The following ZNF718 variants were observed in gnomAD, a reference collection of about 807,000 sequenced individuals.
The protein encoded by ZNF718 is zinc finger protein 718.
A neutral mutation model predicts 2.6 loss-of-function variants in ZNF718; 3 were observed. The ratio of observed to expected loss-of-function variants is 1.16; its 90% CI spans 0.53 to 3.01. The LOEUF (loss-of-function observed/expected upper bound fraction) is 3.01, where lower values mean the gene tolerates loss of function less well. ZNF718 is among the 30% of genes most tolerant of loss of function. ZNF718 has a pLI of 0.03. For synonymous variants in ZNF718, 135 were observed against 77.9 expected (o/e 1.73, Z -3.86); for missense variants, 468 against 230.0 (o/e 2.03, Z -6.69).
At chr4:179,894 A>T (rs1717430069) in intron 3 of ZNF718, among the ~76,000 whole-genome samples, 1 of 152,208 alleles carries the variant, frequency 6.6e-6, no homozygotes, top group South Asian at 2.1e-4. Flanking sequence ...GTGTCATTTA[A>T]TTAAAATAAA....
At position 132,937 on chromosome 4, in the gene ZNF718, T is replaced by C. The variant is rs1198461048; in HGVS notation, c.226+1432T>C. On this transcript the variant is annotated intron_variant, in intron 3 of 3. Coordinates refer to ENST00000510175, the MANE Select transcript of ZNF718 (RefSeq NM_001039127.6). ...GCTCACACCTGTAATCCCAGCACTT[T>C]GGGAGACCGAGGGGGCAGATCATGA... is the stretch of plus-strand genomic sequence containing the variant. Among the ~76,000 whole-genome samples, 6 of 98,922 alleles carry C rather than the reference T, an allele frequency of 6.1e-5. 2 individuals are homozygous for C. The highest frequency in any genetic ancestry group is 2.1e-4 in the African/African-American group (6 of 28,396). The allele number at this position is 98,922 out of a possible 152,430, so 64.9% of individuals were successfully genotyped here.
chr4:161,609 G>T lies in ZNF718; in HGVS notation c.924G>T (p.Glu308Asp). ...LNEHKRIHAG[E>D]KPFSCEECGN... ...AACATAAGAGAATTCATGCTGGAGA[G>T]AAACCCTTCTCATGCGAAGAATGTG... The change falls in exon 4 of 4, where the codon GAG becomes GAT. Residue 308 changes from glutamate to aspartate, a missense_variant. Glu to Asp is a conservative substitution (Grantham distance 45). Transcript: ENST00000510175. The T allele has an allele frequency of 1.3e-6, 1 of 780,546 alleles. No individual in the cohort carries two copies. Among genetic ancestry groups the T allele is most frequent in the Non-Finnish European group, 2.4e-6 (1 of 417,902 alleles). The allele number at this position is 780,546 out of a possible 1,614,324, so 48.4% of individuals were successfully genotyped here. A position where few individuals can be genotyped will look rare whatever the true frequency, so the allele number is the denominator to read the frequency against.
intron 3 of ZNF718, among the ~76,000 whole-genome samples, chr4:191,999 G>T (rs1553821305): frequency 6.6e-6 from 1 of 152,154 alleles, no homozygotes; most frequent in East Asian, 1.9e-4. Flanking sequence ...AGCTCAATTA[G>T]GATGAACCCA....
Position 124,883 on chromosome 4 carries a change from C to T in ZNF718, c.3+210C>T, listed in dbSNP as rs893599567. On this transcript the variant is annotated intron_variant, in intron 1 of 3. Coordinates refer to ENST00000510175, the MANE Select transcript of ZNF718 (RefSeq NM_001039127.6). The stretch of plus-strand genomic sequence containing the variant: ...TCCTTGTGCAGCTCTGCGCCGGTAG[C>T]CCTGCACTTTCCCCGGGCTGTGGAG... The T allele has an allele frequency of 3.4e-5, 19 of 566,462 alleles. No individual in the cohort carries two copies. In the African/African-American group the frequency reaches 3.7e-4, roughly 11 times the overall value. 35.1% of individuals were successfully genotyped at this position (566,462 alleles called of 1,614,324 possible).
chr4:159,826 T>G (rs1716745946), intron 3 of ZNF718, among the ~76,000 whole-genome samples: 1 of 152,178 alleles, frequency 6.6e-6, no homozygotes, highest in Non-Finnish European at 1.5e-5. Context: ...GTTGCCCTAG[T>G]ATTTTGCCTA....
At chr4:138,518 T>C (rs1424289378) in intron 3 of ZNF718, among the ~76,000 whole-genome samples, 1 of 152,244 alleles carries the variant, frequency 6.6e-6, no homozygotes, top group African/African-American at 2.4e-5. Flanking sequence ...ACATTTACTT[T>C]GTCCATTCAT....
intron 3 of ZNF718, among the ~76,000 whole-genome samples, chr4:186,372 CT>C (rs1553820483): frequency 1.3e-5 from 2 of 152,086 alleles, no homozygotes; most frequent in Non-Finnish European, 2.9e-5. Context: ...TGATGGGCTT[CT>C]GTTTGTAGGT....
At chr4:155,395 G>A (rs781849077) in intron 3 of ZNF718, among the ~76,000 whole-genome samples, 14 of 152,164 alleles carry the variant, frequency 9.2e-5, no homozygotes, top group Non-Finnish European at 1.9e-4. Flanking sequence ...AAGCAGCCAG[G>A]AGACTGACTG....
intron 3 of ZNF718, among the ~76,000 whole-genome samples, chr4:188,125 A>G (rs554515088): frequency 2.0e-5 from 3 of 152,360 alleles, no homozygotes; most frequent in East Asian, 3.9e-4. Context: ...CAGCTAAGGT[A>G]GCAGCCCATC....
rs1396163157 is a variant in ZNF718, at chr4:130,754, A to C, written c.4-34A>C. The C allele has an allele frequency of 3.2e-4, 99 of 310,152 alleles. 28 individuals are homozygous for C. Among genetic ancestry groups the C allele is most frequent in the African/African-American group, 2.2e-3 (78 of 34,880 alleles). The allele number at this position is 310,152 out of a possible 1,614,324, so 19.2% of individuals were successfully genotyped here. On this transcript the variant is annotated intron_variant, in intron 1 of 3. Coordinates refer to ENST00000510175, the MANE Select transcript of ZNF718 (RefSeq NM_001039127.6). ...GGGACTCCGTATTAAAAAAAAAAAA[A>C]GAATTCTGTCACTTGATAAATGTGT...
At chr4:169,005 C>A (rs1717161611), downstream of ZNF718, among the ~76,000 whole-genome samples, 1 of 152,102 alleles carries the variant, frequency 6.6e-6, no homozygotes, top group Non-Finnish European at 1.5e-5. Flanking sequence ...TATAAATTTC[C>A]CTCCACACAC....
intron 3 of ZNF718, among the ~76,000 whole-genome samples, chr4:148,330 C>A (rs982419706): frequency 4.6e-5 from 7 of 152,064 alleles, no homozygotes; most frequent in Non-Finnish European, 1.0e-4. Flanking sequence ...CCATCAGGGC[C>A]AGGTGCAGTG....
intron 3 of ZNF718, among the ~76,000 whole-genome samples, chr4:194,686 A>G (rs2108817590): frequency 6.6e-6 from 1 of 152,336 alleles, no homozygotes; most frequent in South Asian, 2.1e-4. Context: ...CGTCAGGGTT[A>G]TCAGAGAATT....
chr4:165,321 A>T (rs544058102), downstream of ZNF718, among the ~76,000 whole-genome samples: 7 of 152,328 alleles, frequency 4.6e-5, no homozygotes, highest in East Asian at 1.2e-3. Context: ...ATGTAAAAGG[A>T]TTAAGGCAGT....
chr4:178,439 A>T (rs1424112960), intron 3 of ZNF718, among the ~76,000 whole-genome samples: 1 of 152,094 alleles, frequency 6.6e-6, no homozygotes, highest in Non-Finnish European at 1.5e-5. Flanking sequence ...ACACCCAGCC[A>T]TATTTGATTT....
chr4:144,180 T>C (rs1465769719), intron 3 of ZNF718, among the ~76,000 whole-genome samples: 1 of 152,160 alleles, frequency 6.6e-6, no homozygotes, highest in Non-Finnish European at 1.5e-5. Flanking sequence ...GCCCCTATGC[T>C]CGGGCCCGCA....
At chr4:191,460 T>C (rs1393494936) in intron 3 of ZNF718, among the ~76,000 whole-genome samples, 2 of 151,904 alleles carry the variant, frequency 1.3e-5, no homozygotes, top group South Asian at 2.1e-4. Flanking sequence ...CCTAAGTCTT[T>C]AATAGAAGAA....
intron 3 of ZNF718, among the ~76,000 whole-genome samples, chr4:172,743 A>G (rs150747222): frequency 8.7e-4 from 132 of 152,192 alleles, no homozygotes; most frequent in African/African-American, 3.1e-3. Context: ...TTTGTTATAC[A>G]TGTGTGTGTA....
intron 1 of ZNF718, among the ~76,000 whole-genome samples, chr4:126,787 A>G (rs1244790696): frequency 6.6e-6 from 1 of 150,860 alleles, no homozygotes; most frequent in Non-Finnish European, 1.5e-5. Flanking sequence ...TTGCTGTTCT[A>G]TTATGGTGGA....
Sources: gnomAD v4.1 joint callset for allele counts (sites outside exome capture counted in the v4.1 genomes callset) on GRCh38, gnomAD v4.1.1 for gene constraint, MANE v1.5 for transcripts, NCBI Gene and HGNC (gene_info 2026-07-23, HGNC 2026-07-21) for gene names.